TRIM28: variants seen among roughly 807,000 people sequenced by gnomAD.
The protein encoded by TRIM28 is tripartite motif containing 28, also known as transcription intermediary factor 1-beta.
Under a neutral mutation model 87.4 loss-of-function variants are expected in TRIM28, and 8 were observed. The ratio of observed to expected loss-of-function variants is 0.09; its 90% CI spans 0.05 to 0.17. The LOEUF (loss-of-function observed/expected upper bound fraction) is 0.17. Ranked by LOEUF, TRIM28 falls within the 10% of genes least tolerant of loss-of-function variation. The pLI, the probability that TRIM28 is intolerant of heterozygous loss-of-function variation, is 1.00. For synonymous variants in TRIM28, 601 were observed against 454.3 expected (o/e 1.32, Z -4.11); for missense variants, 968 against 1,131.8 (o/e 0.86, Z 2.08).
At position 58,549,245 on chromosome 19, in the gene TRIM28, G is replaced by A. The variant is rs201174487; in HGVS notation, c.1662+5G>A. On this transcript the variant is annotated splice_donor_5th_base_variant and intron_variant, in intron 12 of 16. Coordinates refer to ENST00000253024, the MANE Select transcript of TRIM28 (RefSeq NM_005762.3). The surrounding 1 kb of genome is among the most constrained non-coding windows in gnomAD (Gnocchi z 4.4). The stretch of plus-strand genomic sequence containing the variant: ...GCTGGCATGGCCATTGTCAAGGTAA[G>A]CCTGTCCCAAGGAACTATAGCTGTA... 1.9e-6 allele frequency: 3 copies of A among 1,612,332 alleles called. No individual in the cohort carries two copies. Among genetic ancestry groups the A allele is most frequent in the East Asian group, 2.2e-5 (1 of 44,846 alleles).
At chr19:58,546,807 C>G (rs1044603402) in intron 3 of TRIM28, among the ~76,000 whole-genome samples, 1 of 152,084 alleles carries the variant, frequency 6.6e-6, no homozygotes, top group African/African-American at 2.4e-5. Flanking sequence ...TGCTGAGCAC[C>G]AAGATTCTGC....
At chr19:58,545,361 AATGGTG>A in intron 1 of TRIM28, 58 bp from the exon 2 acceptor site, 1 of 1,315,748 alleles carries the variant, frequency 7.6e-7, no homozygotes, top group Non-Finnish European at 1.1e-6. Context: ...CCAGCAGGGG[AATGGTG>A]GGGGCCATAA....
At position 58,544,416 on chromosome 19, in the gene TRIM28, T is replaced by A. The variant is rs993534833; in HGVS notation, c.-342T>A. 31 of 151,716 alleles carry A rather than the reference T, an allele frequency of 2.0e-4. No homozygotes were observed. Among genetic ancestry groups the A allele is most frequent in the Non-Finnish European group, 3.4e-4 (23 of 67,956 alleles). The allele number at this position is 151,716 out of a possible 1,614,324, so 9.4% of individuals were successfully genotyped here. A position where few individuals can be genotyped will look rare whatever the true frequency, so the allele number is the denominator to read the frequency against. ...CGCCCAATGCGCGTGCGCGGCGGCG[T>A]CGGCGCCAGTTATTTCTGTCCCGCC... On this transcript the variant is annotated 5_prime_UTR_variant, in exon 1 of 17. Coordinates refer to ENST00000253024, the MANE Select transcript of TRIM28 (RefSeq NM_005762.3).
chr19:58,549,625 C>A lies in TRIM28; in HGVS notation c.1957C>A (p.Leu653Met). Residue 653 changes from leucine (L) to methionine (M), a missense_variant, in exon 13 of 17, where the codon CTG (leucine) becomes ATG (methionine). This residue lies in a region of TRIM28 where 18 missense variants were observed against 40.9 expected (regional missense o/e 0.44). Coordinates refer to ENST00000253024, the MANE Select transcript of TRIM28 (RefSeq NM_005762.3). This position sits in a 1 kb window ranked among gnomAD's most constrained non-coding sequence, Gnocchi z 4.4. ...CEFCFHLDCH[L>M]PALQDVPGEE... is the part of the protein sequence containing the mutation. ...GTTTTGTTTCCACCTGGACTGTCAC[C>A]TGCCGGCCCTGCAGGATGTACCAGG... is the stretch of plus-strand genomic sequence containing the variant. 2 of 1,613,056 alleles carry A rather than the reference C, an allele frequency of 1.2e-6. No homozygotes were observed. The highest frequency in any genetic ancestry group is 1.7e-6 in the Non-Finnish European group (2 of 1,179,208).
At chr19:58,547,987 G>T in intron 6 of TRIM28, 47 bp from the exon 7 acceptor site, 1 of 1,612,996 alleles carries the variant, frequency 6.2e-7, no homozygotes, top group Middle Eastern at 1.6e-4. Flanking sequence ...AGTGATCCTA[G>T]TATTCTTCTG....
Position 58,544,777 on chromosome 19 carries a change from C to T in TRIM28, c.20C>T (p.Ala7Val). The part of the protein sequence containing the change: MAASAA[A>V]ASAAAASAAS... The stretch of plus-strand genomic sequence containing the variant: ...GTGTGAATGGCGGCCTCCGCGGCGG[C>T]AGCCTCGGCAGCAGCGGCCTCGGCC... The change falls in exon 1 of 17, where the codon GCA becomes GTA. Residue 7 changes from alanine to valine, a missense_variant. Ala to Val is a moderately conservative substitution (Grantham distance 64, BLOSUM62 0). This residue lies in a region of TRIM28 where 208 missense variants were observed against 170.9 expected (regional missense o/e 1.22). Transcript: ENST00000253024. The T allele has an allele frequency of 8.6e-7, 1 of 1,160,452 alleles. No individual in the cohort carries two copies. Among genetic ancestry groups the T allele is most frequent in the Non-Finnish European group, 1.1e-6 (1 of 943,472 alleles). The allele number at this position is 1,160,452 out of a possible 1,614,324, so 71.9% of individuals were successfully genotyped here. A position where few individuals can be genotyped will look rare whatever the true frequency, so the allele number is the denominator to read the frequency against.
intron 2 of TRIM28, 49 bp downstream of exon 2, chr19:58,545,586 C>T (rs1413922499): frequency 3.9e-6 from 6 of 1,531,154 alleles, no homozygotes; most frequent in Non-Finnish European, 4.5e-6. Flanking sequence ...GAGGGGGCAT[C>T]TGCGCAGGAG....
rs1052882750 is a variant in TRIM28 at position 58,550,659 on chromosome 19, C to T, written c.*106C>T. On this transcript the variant is annotated 3_prime_UTR_variant, in exon 17 of 17. Transcript: ENST00000253024. ...TCCCACTCCCTGGTGGCCCCATCCCCCAGTTCCTCACGATATGGTTTTTAC... is the reference window on the plus strand; with the variant it reads ...TCCCACTCCCTGGTGGCCCCATCCCTCAGTTCCTCACGATATGGTTTTTAC... 8.7e-7 allele frequency: 1 copy of T among 1,145,816 alleles called. No homozygotes were observed. The highest frequency in any genetic ancestry group is 1.2e-6 in the Non-Finnish European group (1 of 823,538). The allele number at this position is 1,145,816 out of a possible 1,614,324, so 71.0% of individuals were successfully genotyped here.
chr19:58,546,363 C>T (rs1394327847), intron 3 of TRIM28, among the ~76,000 whole-genome samples: 2 of 152,144 alleles, frequency 1.3e-5, no homozygotes, highest in Non-Finnish European at 2.9e-5. Context: ...AGAGACTTAC[C>T]CAAAGTTTGG....
chr19:58,547,544 GGTGCCACCC>G (rs755082370), intron 4 of TRIM28, 33 bp downstream of exon 4: 43 of 1,613,296 alleles, frequency 2.7e-5, no homozygotes, highest in Non-Finnish European at 3.6e-5. Flanking sequence ...TGGGTGGGTG[GGTGCCACCC>G]CTTCCGTAGC....
Position 58,548,546 on chromosome 19 carries a change from C to T in TRIM28, c.1277C>T (p.Pro426Leu). The change falls in exon 9 of 17, where the codon CCA becomes CTA. Residue 426 changes from proline (P) to leucine (L), a missense_variant. Pro to Leu is a moderately conservative substitution (Grantham distance 98). This residue lies in a region of TRIM28 where 119 missense variants were observed against 93.6 expected (regional missense o/e 1.27). Transcript: ENST00000253024. ...ACAGGCCCTGCACCCATGGCCCCTC[C>T]AAGAGCCCCAGGGCCCCTGAGCAAG... ...NSTGPAPMAP[P>L]RAPGPLSKQG... 2.5e-6 allele frequency: 4 copies of T among 1,613,886 alleles called. No individual in the cohort carries two copies. Among genetic ancestry groups the T allele is most frequent in the Non-Finnish European group, 3.4e-6 (4 of 1,179,998 alleles).
Position 58,550,033 on chromosome 19 carries a change from C to T in TRIM28, c.2191C>T (p.Leu731=). 1 of 1,614,068 alleles carries T rather than the reference C, an allele frequency of 6.2e-7. No homozygotes were observed. Among genetic ancestry groups the T allele is most frequent in the South Asian group, 1.1e-5 (1 of 91,076 alleles). Residue 731 remains leucine, a splice_region_variant and synonymous_variant, in exon 15 of 17, where the codon CTG becomes TTG. Coordinates refer to ENST00000253024, the MANE Select transcript of TRIM28 (RefSeq NM_005762.3). ...GCTGGCTACCGACTCCACCTTCTCC[C>T]TGGTGAGTCCTAGGATGGGAAAGGG... ...HQLATDSTFS[L]DQPGGTLDLT... is the part of the protein sequence containing the mutation.
At chr19:58,547,073 G>T in intron 3 of TRIM28, 1 of 356,562 alleles carries the variant, frequency 2.8e-6, no homozygotes, top group Non-Finnish European at 5.2e-6. Context: ...GGGTCAGCGG[G>T]GGTGGGGGGT....
intron 2 of TRIM28, 86 bp from the exon 3 acceptor site, chr19:58,545,677 TC>T: frequency 6.4e-7 from 1 of 1,560,334 alleles, no homozygotes; most frequent in Non-Finnish European, 8.7e-7. Context: ...AAGGGACCAA[TC>T]TTAAATCTCC....
rs778077234 is a variant in TRIM28 at position 58,549,200 on chromosome 19, C to G, written c.1622C>G (p.Thr541Ser). The G allele has an allele frequency of 3.7e-6, 6 of 1,613,740 alleles. No individual in the cohort carries two copies. The highest frequency in any genetic ancestry group is 1.7e-5 in the Admixed American group (1 of 60,002). The change falls in exon 12 of 17, where the codon ACC becomes AGC. Residue 541 changes from threonine (T) to serine (S), a missense_variant. This residue lies in a region of TRIM28 where 164 missense variants were observed against 146.2 expected (regional missense o/e 1.12). Transcript: ENST00000253024. The surrounding 1 kb of genome is among the most constrained non-coding windows in gnomAD (Gnocchi z 4.4). ...TGQPGTAPAG[T>S]PGAPPLAGMA... The stretch of plus-strand genomic sequence containing the variant: ...CAGCCAGGGACTGCGCCTGCAGGAA[C>G]CCCTGGTGCCCCACCCCTGGCTGGC...
rs1190308781 is a variant in TRIM28 at position 58,549,878 on chromosome 19, T to G, written c.2106+18T>G. 6.2e-7 allele frequency: 1 copy of G among 1,613,144 alleles called. No individual in the cohort carries two copies. Among genetic ancestry groups the G allele is most frequent in the Non-Finnish European group, 8.5e-7 (1 of 1,179,284 alleles). On this transcript the variant is annotated intron_variant, in intron 14 of 16. Coordinates refer to ENST00000253024, the MANE Select transcript of TRIM28 (RefSeq NM_005762.3). The surrounding 1 kb of genome is among the most constrained non-coding windows in gnomAD (Gnocchi z 4.4). Reference sequence around the variant, plus strand: ...ACCAGCGGGTGAGGGCTGGGGTTACTTAGGTGGGGTTGCCCAGAGAGGCTT... The same window carrying G: ...ACCAGCGGGTGAGGGCTGGGGTTACGTAGGTGGGGTTGCCCAGAGAGGCTT...
At chr19:58,545,994 T>C in intron 3 of TRIM28, 98 bp downstream of exon 3, 2 of 1,427,586 alleles carry the variant, frequency 1.4e-6, no homozygotes, top group Non-Finnish European at 1.9e-6. Context: ...GGTCCTAGAG[T>C]TCTCTAGGGG....
chr19:58,545,383 G>T (rs1490451608), intron 1 of TRIM28, 42 bp from the exon 2 acceptor site: 5 of 1,515,964 alleles, frequency 3.3e-6, no homozygotes, highest in African/African-American at 2.7e-5. Context: ...CATAACCTGG[G>T]TGGGAACTTG....
chr19:58,549,995 G>T lies in TRIM28; in HGVS notation c.2153G>T (p.Arg718Leu), dbSNP rs1241681282. The change falls in exon 15 of 17, where the codon CGC (arginine) becomes CTC (leucine). Residue 718 changes from arginine (R) to leucine (L), a missense_variant. This residue lies in a region of TRIM28 where 192 missense variants were observed against 225.6 expected (regional missense o/e 0.85). Coordinates refer to ENST00000253024, the MANE Select transcript of TRIM28 (RefSeq NM_005762.3). The surrounding 1 kb of genome is among the most constrained non-coding windows in gnomAD (Gnocchi z 4.4). ...LLALFCHEPC[R>L]PLHQLATDST... ...GCCCTATTCTGTCACGAACCCTGCC[G>T]CCCCCTGCATCAGCTGGCTACCGAC... 1 of 1,614,028 alleles carries T rather than the reference G, an allele frequency of 6.2e-7. No homozygotes were observed. Among genetic ancestry groups the T allele is most frequent in the Non-Finnish European group, 8.5e-7 (1 of 1,179,990 alleles).
Sources: gnomAD v4.1 joint callset for allele counts (sites outside exome capture counted in the v4.1 genomes callset) on GRCh38, gnomAD v4.1.1 for gene constraint, gnomAD v4.1.1 regional missense constraint, Gnocchi (gnomAD v3.1) non-coding constraint, MANE v1.5 for transcripts, NCBI Gene and HGNC (gene_info 2026-07-23, HGNC 2026-07-21) for gene names.